PDE10A: variants seen among roughly 807,000 people sequenced by gnomAD.
PDE10A encodes phosphodiesterase 10A.
A neutral mutation model predicts 97.7 loss-of-function variants in PDE10A; 39 were observed. The observed-to-expected ratio is 0.40, with a 90% confidence interval of 0.31 to 0.52. The LOEUF is 0.52. Ranked by LOEUF, PDE10A falls within the 20% of genes least tolerant of loss-of-function variation. The pLI is 0.56. For missense variants in PDE10A, 731 were observed against 1,047.8 expected (o/e 0.70, Z 4.17); for synonymous variants, 371 against 376.8 (o/e 0.98, Z 0.18).
At chr6:165,693,016 A>G (rs1022194551) in intron 1 of PDE10A, among the ~76,000 whole-genome samples, 2 of 152,202 alleles carry the variant, frequency 1.3e-5, no homozygotes, top group South Asian at 4.1e-4. Flanking sequence ...CTGGATAACC[A>G]TTAACAGCTT....
chr6:165,654,235 A>G (rs1166391362), intron 1 of PDE10A, among the ~76,000 whole-genome samples: 2 of 152,092 alleles, frequency 1.3e-5, no homozygotes, highest in Non-Finnish European at 2.9e-5. Flanking sequence ...CTTTCCTTCT[A>G]AAACGTTCCC....
intron 1 of PDE10A, among the ~76,000 whole-genome samples, chr6:165,587,584 A>T (rs1785990989): frequency 6.6e-6 from 1 of 152,220 alleles, no homozygotes; most frequent in African/African-American, 2.4e-5. Flanking sequence ...TCATTAAGTT[A>T]GATGCAGAAG....
At chr6:165,592,336 A>G (rs143005664) in intron 1 of PDE10A, among the ~76,000 whole-genome samples, 2,925 of 147,718 alleles carry the variant, frequency 0.02, 34 homozygotes, top group Middle Eastern at 0.068. Context: ...AAGACCTAAA[A>G]CCATACAAAC....
chr6:165,518,797 A>C (rs1292766270), intron 2 of PDE10A, among the ~76,000 whole-genome samples: 1 of 152,188 alleles, frequency 6.6e-6, no homozygotes, highest in Non-Finnish European at 1.5e-5. Flanking sequence ...TCCGACCTCA[A>C]ACTACACAAG....
At chr6:165,556,470 T>C (rs952727298) in intron 1 of PDE10A, among the ~76,000 whole-genome samples, 1 of 152,214 alleles carries the variant, frequency 6.6e-6, no homozygotes, top group Non-Finnish European at 1.5e-5. Context: ...AAATGGTTCT[T>C]GAGATGTGCT....
intron 1 of PDE10A, among the ~76,000 whole-genome samples, chr6:165,657,991 C>A (rs528522036): frequency 1.1e-3 from 172 of 152,202 alleles, no homozygotes; most frequent in African/African-American, 4.0e-3. Flanking sequence ...TTTAATCTCC[C>A]TCAAACAATT....
intron 2 of PDE10A, among the ~76,000 whole-genome samples, chr6:165,517,817 T>A (rs1296984251): frequency 6.6e-6 from 1 of 152,182 alleles, no homozygotes; most frequent in Non-Finnish European, 1.5e-5. Flanking sequence ...TGTGTTAAAA[T>A]TCATAGAACT....
intron 1 of PDE10A, among the ~76,000 whole-genome samples, chr6:165,802,058 C>T (rs1396003449): frequency 1.3e-5 from 2 of 152,214 alleles, no homozygotes; most frequent in Non-Finnish European, 2.9e-5. Flanking sequence ...CCACCCATAA[C>T]TGAGCAGAAA....
intron 1 of PDE10A, among the ~76,000 whole-genome samples, chr6:165,675,419 T>A (rs1790766581): frequency 6.6e-6 from 1 of 152,244 alleles, no homozygotes; most frequent in African/African-American, 2.4e-5. Flanking sequence ...TATTTTTCTC[T>A]AAGTATATTC....
At chr6:165,751,515 T>C (rs1317894116) in intron 1 of PDE10A, among the ~76,000 whole-genome samples, 2 of 152,154 alleles carry the variant, frequency 1.3e-5, no homozygotes, top group Non-Finnish European at 2.9e-5. Flanking sequence ...AGCAGGCACC[T>C]GATTGGGAGC....
Position 165,642,805 on chromosome 6 carries a change from C to T in PDE10A, c.865+19142G>A, listed in dbSNP as rs557796501. Reference sequence around the variant, plus strand: ...CCCTTTGCATTCACTCGCTCTCTTGCGGCATACCTGCCAAAGAACGTGCGT... The same window carrying T: ...CCCTTTGCATTCACTCGCTCTCTTGTGGCATACCTGCCAAAGAACGTGCGT... On this transcript the variant is annotated intron_variant, in intron 1 of 21. Coordinates refer to ENST00000539869, the MANE Select transcript of PDE10A (RefSeq NM_001385079.1). Among the ~76,000 whole-genome samples, 24 of 152,346 alleles carry T rather than the reference C, an allele frequency of 1.6e-4. 1 individual carries two copies. The East Asian group carries it at 4.2e-3, about 27-fold the overall frequency.
At chr6:165,859,904 T>C (rs1218741100) in intron 1 of PDE10A, among the ~76,000 whole-genome samples, 1 of 152,132 alleles carries the variant, frequency 6.6e-6, no homozygotes, top group Non-Finnish European at 1.5e-5. Flanking sequence ...CTGGGTGGGA[T>C]TGAAGACCAT....
chr6:165,353,563 G>A lies in PDE10A; in HGVS notation c.2784-10061C>T, dbSNP rs113441613. On this transcript the variant is annotated intron_variant, in intron 18 of 21. Coordinates refer to ENST00000539869, the MANE Select transcript of PDE10A (RefSeq NM_001385079.1). ...ATATTATTCAATGCTGAAAAGAAAT[G>A]AGCTATCAAGCCATGAAAAGACATG... Among the ~76,000 whole-genome samples, 244 of 152,214 alleles carry A rather than the reference G, an allele frequency of 1.6e-3. 1 individual carries two copies. The highest frequency in any genetic ancestry group is 5.5e-3 in the African/African-American group (228 of 41,558).
chr6:165,983,895 C>A (rs1482943096), intron 1 of PDE10A, among the ~76,000 whole-genome samples: 1 of 152,224 alleles, frequency 6.6e-6, no homozygotes, highest in Non-Finnish European at 1.5e-5. Context: ...TACCTGGCCT[C>A]CCGGTTTCCC....
At position 165,913,197 on chromosome 6, in the gene PDE10A, T is replaced by C. The variant is rs1015907135; in HGVS notation, c.-615+74332A>G. ...AGGCATTTCATTATGTATATGCAAATATTCTAAAATCTGAAAAAATCTGAA... is the reference window on the plus strand; with the variant it reads ...AGGCATTTCATTATGTATATGCAAACATTCTAAAATCTGAAAAAATCTGAA... On this transcript the variant is annotated intron_variant, in intron 1 of 19. Transcript: ENST00000366882. Among the ~76,000 whole-genome samples, 8 of 152,170 alleles carry C rather than the reference T, an allele frequency of 5.3e-5. No individual in the cohort carries two copies. In the South Asian group the frequency reaches 1.7e-3, roughly 32 times the overall value.
At chr6:165,408,979 C>G (rs929771413) in intron 13 of PDE10A, among the ~76,000 whole-genome samples, 14 of 149,068 alleles carry the variant, frequency 9.4e-5, no homozygotes, top group Non-Finnish European at 1.8e-4. Context: ...CCCTGGCTAA[C>G]ACGGCGAAAC....
At chr6:165,371,686 C>T (rs1429920906) in intron 18 of PDE10A, among the ~76,000 whole-genome samples, 1 of 152,062 alleles carries the variant, frequency 6.6e-6, no homozygotes, top group African/African-American at 2.4e-5. Context: ...GAAACTATTC[C>T]AATCAATAGA....
intron 1 of PDE10A, among the ~76,000 whole-genome samples, chr6:165,649,550 G>A (rs1456148901): frequency 2.0e-5 from 3 of 152,114 alleles, no homozygotes; most frequent in Non-Finnish European, 4.4e-5. Flanking sequence ...TCCCAGGGCA[G>A]AGTTCTGGTC....
chr6:165,544,335 A>G (rs1240669576), intron 1 of PDE10A, among the ~76,000 whole-genome samples: 3 of 152,202 alleles, frequency 2.0e-5, no homozygotes, highest in African/African-American at 7.2e-5. Context: ...TCATAGTCCA[A>G]TGATAAGTAC....
Sources: gnomAD v4.1 joint callset for allele counts (sites outside exome capture counted in the v4.1 genomes callset) on GRCh38, gnomAD v4.1.1 for gene constraint, MANE v1.5 for transcripts, NCBI Gene and HGNC (gene_info 2026-07-23, HGNC 2026-07-21) for gene names.